The following RNF121 variants were observed in gnomAD, a reference collection of about 807,000 sequenced individuals.
RNF121 encodes ring finger protein 121.
RNF121 carries 21 observed loss-of-function variants against 46.5 expected under a neutral mutation model. The ratio of observed to expected loss-of-function variants is 0.45; its 90% confidence interval spans 0.32 to 0.65. The LOEUF (loss-of-function observed/expected upper bound fraction) is 0.65. Ranked by LOEUF, RNF121 falls within the 30% of genes least tolerant of loss-of-function variation. RNF121 has a pLI of 0.04. For missense variants in RNF121, 346 were observed against 416.0 expected (o/e 0.83, Z 1.46); for synonymous variants, 139 against 144.7 (o/e 0.96, Z 0.28).
intron 1 of RNF121, among the ~76,000 whole-genome samples, chr11:71,950,175 T>G (rs1005713023): frequency 1.3e-5 from 2 of 152,166 alleles, no homozygotes; most frequent in Non-Finnish European, 2.9e-5. Context: ...GGTGAAGGAT[T>G]GGGTTTCAGA....
At chr11:71,989,054 A>G (rs1451405882) in intron 5 of RNF121, among the ~76,000 whole-genome samples, 5 of 142,522 alleles carry the variant, frequency 3.5e-5, no homozygotes, top group African/African-American at 1.3e-4. Flanking sequence ...GCATTATGGG[A>G]TTCTGCATTA....
chr11:71,934,705 G>A (rs1332752018), intron 1 of RNF121, among the ~76,000 whole-genome samples: 6 of 152,106 alleles, frequency 3.9e-5, no homozygotes, highest in Admixed American at 1.3e-4. Flanking sequence ...TGTAAAATGA[G>A]TGGTGGCAAG....
intron 7 of RNF121, chr11:71,995,189 T>C (rs1954950387): frequency 7.0e-6 from 4 of 574,204 alleles, no homozygotes; most frequent in East Asian, 2.9e-5. Flanking sequence ...ACTTGTAATA[T>C]TTATCATGTA....
intron 1 of RNF121, among the ~76,000 whole-genome samples, chr11:71,955,810 A>C (rs573604973): frequency 1.3e-5 from 2 of 152,174 alleles, no homozygotes; most frequent in African/African-American, 4.8e-5. Context: ...GGTACCTCCC[A>C]TGTGTCCCCT....
chr11:71,974,659 A>T (rs1383371772), intron 3 of RNF121, among the ~76,000 whole-genome samples: 2 of 37,558 alleles, frequency 5.3e-5, no homozygotes, highest in Non-Finnish European at 1.4e-4. Context: ...AATTTTTGTC[A>T]ATTTCTGCCA....
chr11:71,972,569 GC>G (rs1470820423), intron 3 of RNF121, among the ~76,000 whole-genome samples: 1 of 151,748 alleles, frequency 6.6e-6, no homozygotes, highest in Non-Finnish European at 1.5e-5. Context: ...GGAACTGTTG[GC>G]ATTTTGGGCC....
intron 1 of RNF121, among the ~76,000 whole-genome samples, chr11:71,946,417 A>G (rs115933128): frequency 0.017 from 2,636 of 152,226 alleles, 69 homozygotes; most frequent in African/African-American, 0.06. Flanking sequence ...TTTTTGAGAT[A>G]AGGTCTTGCC....
intron 1 of RNF121, among the ~76,000 whole-genome samples, chr11:71,945,000 T>G (rs563621584): frequency 3.5e-4 from 53 of 152,076 alleles, no homozygotes; most frequent in African/African-American, 1.2e-3. Flanking sequence ...TTTTGTTGTT[T>G]TTTTTTTTGA....
intron 3 of RNF121, 67 bp downstream of exon 3, chr11:71,960,958 G>A (rs964662006): frequency 6.4e-7 from 1 of 1,564,202 alleles, no homozygotes. Flanking sequence ...AGTATTCTAG[G>A]TCCCAGCCTA....
At chr11:71,961,858 T>G (rs1954141379) in intron 3 of RNF121, among the ~76,000 whole-genome samples, 1 of 152,216 alleles carries the variant, frequency 6.6e-6, no homozygotes, top group Non-Finnish European at 1.5e-5. Context: ...GAGAATTGCT[T>G]GAGCCAGGGG....
At chr11:71,960,648 A>G in intron 2 of RNF121, 102 bp from the exon 3 acceptor site, 2 of 1,317,014 alleles carry the variant, frequency 1.5e-6, no homozygotes, top group East Asian at 2.3e-5. Flanking sequence ...GAAGCAGGGA[A>G]TGTGTTCTGA....
At chr11:71,984,289 T>C (rs1954721463) in intron 4 of RNF121, among the ~76,000 whole-genome samples, 1 of 152,258 alleles carries the variant, frequency 6.6e-6, no homozygotes, top group Non-Finnish European at 1.5e-5. Context: ...TACTAGCTTT[T>C]TTTTTGAGAT....
At chr11:71,989,167 G>A (rs913885466) in intron 5 of RNF121, among the ~76,000 whole-genome samples, 4 of 151,952 alleles carry the variant, frequency 2.6e-5, no homozygotes, top group Non-Finnish European at 5.9e-5. Flanking sequence ...TCCACCTCCC[G>A]AGTAGTGGGG....
chr11:71,941,498 T>C (rs944330662), intron 1 of RNF121, among the ~76,000 whole-genome samples: 11 of 152,254 alleles, frequency 7.2e-5, no homozygotes, highest in Admixed American at 1.3e-4. Flanking sequence ...CTGAGGTCCT[T>C]GCTCATATTA....
chr11:71,983,192 C>T (rs1382421806), intron 4 of RNF121: 3 of 274,096 alleles, frequency 1.1e-5, no homozygotes, highest in Non-Finnish European at 2.0e-5. Context: ...ATTGTGGTCT[C>T]ATTTTAAATG....
intron 1 of RNF121, among the ~76,000 whole-genome samples, chr11:71,930,227 A>G (rs1377480274): frequency 6.6e-6 from 1 of 152,164 alleles, no homozygotes; most frequent in Non-Finnish European, 1.5e-5. Flanking sequence ...CATCACAGGA[A>G]TAGGAGGAAG....
At chr11:71,955,817 C>G (rs1953978176) in intron 1 of RNF121, among the ~76,000 whole-genome samples, 1 of 152,082 alleles carries the variant, frequency 6.6e-6, no homozygotes. Flanking sequence ...CCCATGTGTC[C>G]CCTCAGAGTA....
chr11:71,992,734 A>T (rs1198054151), intron 6 of RNF121, among the ~76,000 whole-genome samples: 1 of 152,242 alleles, frequency 6.6e-6, no homozygotes, highest in Non-Finnish European at 1.5e-5. Context: ...CCTTTCACTG[A>T]GATAGGAAAT....
chr11:71,983,370 A>G (rs1954704494), intron 4 of RNF121, among the ~76,000 whole-genome samples: 1 of 152,162 alleles, frequency 6.6e-6, no homozygotes, highest in African/African-American at 2.4e-5. Context: ...AACCACATCC[A>G]TTTTGTTTGT....
Sources: gnomAD v4.1 joint callset for allele counts (sites outside exome capture counted in the v4.1 genomes callset) on GRCh38, gnomAD v4.1.1 for gene constraint, MANE v1.5 for transcripts, NCBI Gene and HGNC (gene_info 2026-07-23, HGNC 2026-07-21) for gene names.